The following FBLN2 variants were observed in gnomAD, a reference collection of about 807,000 sequenced individuals.
FBLN2 encodes fibulin-2.
FBLN2 carries 81 observed loss-of-function variants against 123.7 expected under a neutral mutation model. That is an observed-to-expected ratio of 0.65 (90% CI 0.55 to 0.79). FBLN2 has a LOEUF of 0.79. Ranked by LOEUF, FBLN2 falls within the 30% of genes least tolerant of loss-of-function variation. The pLI, the probability that FBLN2 is intolerant of heterozygous loss-of-function variation, is 0.00. For synonymous variants in FBLN2, 699 were observed against 701.4 expected (o/e 1.00, Z 0.05); for missense variants, 1,603 against 1,681.3 (o/e 0.95, Z 0.81).
chr3:13,613,487 A>G (rs1047385641), intron 4 of FBLN2, among the ~76,000 whole-genome samples: 1 of 152,208 alleles, frequency 6.6e-6, no homozygotes, highest in African/African-American at 2.4e-5. Context: ...TGTAGCTTCC[A>G]TCTTCAGGGT....
intron 1 of FBLN2, among the ~76,000 whole-genome samples, chr3:13,549,754 C>T (rs1346013262): frequency 1.3e-5 from 2 of 151,966 alleles, no homozygotes; most frequent in East Asian, 1.9e-4. Flanking sequence ...TGCATTGGCG[C>T]GCCCACCCTG....
At chr3:13,622,966 A>T (rs1156393066) in intron 9 of FBLN2, among the ~76,000 whole-genome samples, 2 of 152,224 alleles carry the variant, frequency 1.3e-5, no homozygotes, top group South Asian at 2.1e-4. Context: ...TAGAAGTAGG[A>T]TCAGAACCTA....
intron 2 of FBLN2, among the ~76,000 whole-genome samples, chr3:13,584,811 G>A (rs1704446497): frequency 6.6e-6 from 1 of 152,232 alleles, no homozygotes; most frequent in Admixed American, 6.5e-5. Flanking sequence ...GAGATGAGCA[G>A]CCTCAAGCTC....
intron 2 of FBLN2, among the ~76,000 whole-genome samples, chr3:13,595,568 A>G (rs577670592): frequency 4.6e-5 from 7 of 152,250 alleles, no homozygotes; most frequent in Admixed American, 2.6e-4. Context: ...GCTGGCGGGA[A>G]CATCAGGGCT....
At chr3:13,553,388 G>A (rs1022369364) in intron 1 of FBLN2, among the ~76,000 whole-genome samples, 8 of 152,174 alleles carry the variant, frequency 5.3e-5, no homozygotes, top group East Asian at 3.9e-4. Context: ...AGAGTGGGGC[G>A]TGCTTGCCTG....
chr3:13,580,609 A>G (rs1296294923), intron 2 of FBLN2, among the ~76,000 whole-genome samples: 2 of 152,114 alleles, frequency 1.3e-5, no homozygotes, highest in African/African-American at 4.8e-5. Context: ...TGGTGGTTTT[A>G]GTTTGTGTGT....
At chr3:13,627,536 A>T (rs80089632) in intron 10 of FBLN2, among the ~76,000 whole-genome samples, 7,104 of 152,218 alleles carry the variant, frequency 0.047, 452 homozygotes, top group East Asian at 0.2. Flanking sequence ...TCCTTGTAAG[A>T]TGGGGCTTGT....
At chr3:13,580,329 TTTAC>T (rs1704283872) in intron 2 of FBLN2, among the ~76,000 whole-genome samples, 1 of 152,200 alleles carries the variant, frequency 6.6e-6, no homozygotes, top group Admixed American at 6.5e-5. Flanking sequence ...TGTACTGGAT[TTTAC>T]TTACACCTGC....
rs770624201 is a variant in FBLN2, at chr3:13,619,811, C to T, written c.2135C>T (p.Ala712Val). ...TGTTTTCCCGGCTATGCCATCATGGCGGATGGCGTGTCCTGTGAAGGTGAG... is the reference window on the plus strand; with the variant it reads ...TGTTTTCCCGGCTATGCCATCATGGTGGATGGCGTGTCCTGTGAAGGTGAG... ...CSCFPGYAIMADGVSCEDQDE... is the reference protein window; with the variant it reads ...CSCFPGYAIMVDGVSCEDQDE... The change falls in exon 8 of 18, where the codon GCG (alanine) becomes GTG (valine). Residue 712 changes from alanine to valine, a missense_variant. Transcript: ENST00000404922. 7 of 1,612,124 alleles carry T rather than the reference C, an allele frequency of 4.3e-6. No individual in the cohort carries two copies. Among genetic ancestry groups the T allele is most frequent in the Admixed American group, 1.7e-5 (1 of 59,846 alleles).
intron 5 of FBLN2, among the ~76,000 whole-genome samples, chr3:13,616,033 G>T (rs946839760): frequency 6.6e-6 from 1 of 152,168 alleles, no homozygotes; most frequent in Non-Finnish European, 1.5e-5. Context: ...CAGATACCTG[G>T]ATCTCCCATC....
intron 1 of FBLN2, 68 bp from the exon 2 acceptor site, chr3:13,570,247 G>A (rs981402913): frequency 3.2e-5 from 46 of 1,416,762 alleles, no homozygotes; most frequent in Admixed American, 2.6e-4. Context: ...GCCCGCGTGC[G>A]TGCCGGTGTG....
In FBLN2 at chr3:13,554,947, CTTTTTT is replaced by C. The variant is rs199976666; in HGVS notation, c.-42+5756_-42+5761del. ...CCCTTCCCTGTTTTGCTTATATTTA[CTTTTTT>C]TTTTTTTTTTTTTTTTAAATACTGA... is the stretch of plus-strand genomic sequence containing the variant. On this transcript the variant is annotated intron_variant, in intron 1 of 17. Coordinates refer to ENST00000404922, the MANE Select transcript of FBLN2 (RefSeq NM_001004019.2). Among the ~76,000 whole-genome samples, 490 of 141,570 alleles carry C rather than the reference CTTTTTT, an allele frequency of 3.5e-3. 2 individuals are homozygous for C. The highest frequency in any genetic ancestry group is 4.2e-3 in the African/African-American group (162 of 38,232). The allele number at this position is 141,570 out of a possible 152,430, so 92.9% of individuals were successfully genotyped here. A position where few individuals can be genotyped will look rare whatever the true frequency, so the allele number is the denominator to read the frequency against.
intron 5 of FBLN2, among the ~76,000 whole-genome samples, chr3:13,615,271 C>T (rs1478477350): frequency 6.6e-6 from 1 of 152,230 alleles, no homozygotes; most frequent in Non-Finnish European, 1.5e-5. Flanking sequence ...AGAGTCCTGG[C>T]AGGCCTGCTT....
In FBLN2 at chr3:13,570,838, C is replaced by T; in HGVS notation, c.483C>T (p.His161=). 6.2e-7 allele frequency: 1 copy of T among 1,608,298 alleles called. No homozygotes were observed. The highest frequency in any genetic ancestry group is 1.1e-5 in the South Asian group (1 of 90,082). Residue 161 remains histidine (H), a synonymous_variant, in exon 2 of 18, where the codon CAC becomes CAT. Transcript: ENST00000404922. ...ACCTGCCGCCCTGCCGGGCCTGCCA[C>T]TGCCCTGACGCCGGTGGAGAGCTCA... ...TVHLPPCRAC[H]CPDAGGELIC...
In FBLN2 at chr3:13,636,475, A is replaced by G. The variant is rs1706475038; in HGVS notation, c.3245A>G (p.Asn1082Ser). Reference sequence around the variant, plus strand: ...GATGAGTGTGCACTGGGTACCCACAACTGTTCCGAGGCTGAGACCTGCCAC... The same window carrying G: ...GATGAGTGTGCACTGGGTACCCACAGCTGTTCCGAGGCTGAGACCTGCCAC... ...DVDECALGTH[N>S]CSEAETCHNI... The change falls in exon 17 of 18, where the codon AAC (asparagine) becomes AGC (serine). Residue 1082 changes from asparagine (N) to serine (S), a missense_variant. Asn to Ser is a conservative substitution (Grantham distance 46). Transcript: ENST00000404922. The G allele has an allele frequency of 6.2e-7, 1 of 1,613,688 alleles. No individual in the cohort carries two copies. Among genetic ancestry groups the G allele is most frequent in the South Asian group, 1.1e-5 (1 of 90,992 alleles).
chr3:13,622,858 C>T (rs778676711), intron 9 of FBLN2, among the ~76,000 whole-genome samples: 1 of 152,214 alleles, frequency 6.6e-6, no homozygotes, highest in African/African-American at 2.4e-5. Context: ...CACAGAGACA[C>T]GCGCAGAGGG....
chr3:13,620,117 C>T (rs929859998), intron 8 of FBLN2, among the ~76,000 whole-genome samples: 11 of 152,168 alleles, frequency 7.2e-5, no homozygotes, highest in Non-Finnish European at 1.3e-4. Context: ...AGTGCTTCTC[C>T]TGCCGAGTGT....
chr3:13,636,316 C>CA, intron 16 of FBLN2, 129 bp from the exon 17 acceptor site: 1 of 1,135,938 alleles, frequency 8.8e-7, no homozygotes, highest in African/African-American at 1.6e-5. Context: ...CATGTGTGTG[C>CA]AGGGAGGCAC....
intron 1 of FBLN2, among the ~76,000 whole-genome samples, chr3:13,564,725 A>ACAGTGG (rs1178719663): frequency 6.6e-6 from 1 of 152,142 alleles, no homozygotes; most frequent in Admixed American, 6.5e-5. Flanking sequence ...CCACCTTTCC[A>ACAGTGG]CAGTGGCAGC....
Sources: allele counts gnomAD v4.1 joint callset (sites outside exome capture counted in the v4.1 genomes callset), GRCh38; gene constraint gnomAD v4.1.1; transcripts MANE v1.5; gene names NCBI Gene and HGNC (gene_info 2026-07-23, HGNC 2026-07-21).